Variants in PIP4K2A observed in about 807,000 individuals in gnomAD.
PIP4K2A encodes the protein phosphatidylinositol-5-phosphate 4-kinase type 2 alpha.
In PIP4K2A, 14 loss-of-function variants were observed where a neutral mutation model predicts 42.9. The observed-to-expected ratio is 0.33, with a 90% CI of 0.22 to 0.51. The LOEUF (loss-of-function observed/expected upper bound fraction) is 0.51. PIP4K2A is among the 20% of genes least tolerant of loss of function. The probability of loss-of-function intolerance (pLI) is 0.97; values close to 1 mark genes in which losing one functional copy is unlikely to be tolerated. For synonymous variants in PIP4K2A, 192 were observed against 192.2 expected (o/e 1.00, Z 0.01); for missense variants, 434 against 519.8 (o/e 0.83, Z 1.61).
At position 22,607,898 on chromosome 10, in the gene PIP4K2A, T is replaced by C. The variant is rs375019200; in HGVS notation, c.339+29A>G. 32 of 1,449,290 alleles carry C rather than the reference T, an allele frequency of 2.2e-5. No individual in the cohort carries two copies. The African/African-American group carries it at 3.6e-4, about 16-fold the overall frequency. 89.8% of individuals were successfully genotyped at this position (1,449,290 alleles called of 1,614,324 possible). On this transcript the variant is annotated intron_variant, in intron 3 of 9. Coordinates refer to ENST00000376573, the MANE Select transcript of PIP4K2A (RefSeq NM_005028.5). ...AGTCATGGCAAAACCCATTTCCTAC[T>C]GGAAGCAAATGTTACAAACGCAACT...
chr10:22,561,576 T>G (rs1588626609), intron 6 of PIP4K2A, among the ~76,000 whole-genome samples: 1 of 145,206 alleles, frequency 6.9e-6, no homozygotes, highest in East Asian at 2.0e-4. Flanking sequence ...TTTTTTTTTT[T>G]TTTTTTTTTT....
At chr10:22,557,743 T>A (rs73598564) in intron 6 of PIP4K2A, among the ~76,000 whole-genome samples, 6,905 of 152,288 alleles carry the variant, frequency 0.045, 356 homozygotes, top group African/African-American at 0.13. Flanking sequence ...TAATGATCAT[T>A]CTAAACTTTA....
At chr10:22,548,107 TC>T (rs779471486) in intron 7 of PIP4K2A, among the ~76,000 whole-genome samples, 1 of 152,222 alleles carries the variant, frequency 6.6e-6, no homozygotes, top group Non-Finnish European at 1.5e-5. Context: ...TCGATTAAAT[TC>T]TAGCCTCATT....
intron 4 of PIP4K2A, among the ~76,000 whole-genome samples, chr10:22,581,906 G>A (rs1397433276): frequency 6.6e-6 from 1 of 152,050 alleles, no homozygotes; most frequent in Non-Finnish European, 1.5e-5. Flanking sequence ...GAGTCCAGGA[G>A]TTTGAGACCA....
chr10:22,670,830 T>C lies in PIP4K2A; in HGVS notation c.144+43353A>G, dbSNP rs76198977. Among the ~76,000 whole-genome samples the C allele has an allele frequency of 5.3e-3, 812 of 152,284 alleles. 2 individuals are homozygous for C. The highest frequency in any genetic ancestry group is 9.1e-3 in the Non-Finnish European group (622 of 68,038). ...AAAATTCCTGCTATGGACAGTAACG[T>C]AATTCTAGCTTTTTTTAAAAAACGG... On this transcript the variant is annotated intron_variant, in intron 1 of 9. Transcript: ENST00000376573.
At chr10:22,578,775 T>A (rs563505573) in intron 4 of PIP4K2A, among the ~76,000 whole-genome samples, 1 of 152,318 alleles carries the variant, frequency 6.6e-6, no homozygotes, top group South Asian at 2.1e-4. Flanking sequence ...AAATGTAAGC[T>A]CCACGAAGGT....
chr10:22,569,531 G>A (rs964906500), intron 5 of PIP4K2A, among the ~76,000 whole-genome samples: 2 of 152,128 alleles, frequency 1.3e-5, no homozygotes, highest in East Asian at 1.9e-4. Flanking sequence ...TTTTCACAAC[G>A]AATGTTCCCA....
intron 1 of PIP4K2A, among the ~76,000 whole-genome samples, chr10:22,681,319 A>G (rs1839656491): frequency 6.6e-6 from 1 of 152,158 alleles, no homozygotes; most frequent in South Asian, 2.1e-4. Flanking sequence ...GGGAGGTTGG[A>G]GGGGACCTCT....
chr10:22,564,833 G>A (rs891021849), intron 6 of PIP4K2A, among the ~76,000 whole-genome samples: 1 of 152,108 alleles, frequency 6.6e-6, no homozygotes, highest in Non-Finnish European at 1.5e-5. Flanking sequence ...CGCCCTCACC[G>A]ACCAGGTCCC....
chr10:22,546,451 A>G (rs1836260406), intron 7 of PIP4K2A, among the ~76,000 whole-genome samples: 1 of 152,062 alleles, frequency 6.6e-6, no homozygotes, highest in South Asian at 2.1e-4. Context: ...TGGCTCTGTC[A>G]CCCAGGCTGG....
intron 1 of PIP4K2A, among the ~76,000 whole-genome samples, chr10:22,646,945 A>G (rs578242839): frequency 1.5e-3 from 231 of 151,802 alleles, no homozygotes; most frequent in Non-Finnish European, 2.8e-3. Context: ...AAACAAAACA[A>G]AACAAAACAA....
At chr10:22,541,619 T>C (rs573831991) in intron 8 of PIP4K2A, among the ~76,000 whole-genome samples, 185 bp downstream of exon 8, 2 of 152,286 alleles carry the variant, frequency 1.3e-5, no homozygotes, top group African/African-American at 4.8e-5. Context: ...GATCGCCTTA[T>C]GTTTCAGCAC....
intron 1 of PIP4K2A, among the ~76,000 whole-genome samples, chr10:22,665,660 C>T (rs1158571212): frequency 1.3e-5 from 2 of 150,276 alleles, no homozygotes; most frequent in African/African-American, 4.9e-5. Flanking sequence ...ACTATGTTGC[C>T]CACACTGGTC....
rs536456966 is a variant in PIP4K2A, at chr10:22,573,396, T to C, written c.554A>G (p.Asn185Ser). The change falls in exon 5 of 10, where the codon AAT becomes AGT. Residue 185 changes from asparagine (N) to serine (S), a missense_variant. Asn to Ser is a conservative substitution (Grantham distance 46, BLOSUM62 1). This residue lies in a region of PIP4K2A where 395 missense variants were observed against 444.5 expected (regional missense o/e 0.89). Coordinates refer to ENST00000376573, the MANE Select transcript of PIP4K2A (RefSeq NM_005028.5). ...LPQFLGMYRL[N>S]VDGVEIYVIV... The stretch of plus-strand genomic sequence containing the variant: ...CACATATATTTCAACTCCATCAACA[T>C]TAAGCCGGTACATGCCCAAGAACTG... The C allele has an allele frequency of 1.9e-6, 3 of 1,613,824 alleles. No individual in the cohort carries two copies. The highest frequency in any genetic ancestry group is 2.2e-5 in the South Asian group (2 of 91,080).
At chr10:22,574,444 G>T (rs12776516) in intron 4 of PIP4K2A, among the ~76,000 whole-genome samples, 3,656 of 142,138 alleles carry the variant, frequency 0.026, 119 homozygotes, top group Middle Eastern at 0.03. Context: ...TTCATTTTCT[G>T]TTTTTTTTTT....
intron 4 of PIP4K2A, among the ~76,000 whole-genome samples, chr10:22,579,915 AAAAAAAGAAAAAAG>A (rs568522429): frequency 2.1e-5 from 3 of 145,244 alleles, no homozygotes; most frequent in Non-Finnish European, 2.9e-5. Flanking sequence ...TCTGAGAAGA[AAAAAAAGAAAAAAG>A]AAAAAAGAAA....
At chr10:22,609,962 C>T (rs558607094) in intron 1 of PIP4K2A, among the ~76,000 whole-genome samples, 2 of 152,250 alleles carry the variant, frequency 1.3e-5, no homozygotes, top group Non-Finnish European at 2.9e-5. Flanking sequence ...GAGAGTCAAT[C>T]CTCATGCCAC....
chr10:22,710,144 T>C (rs1833888805), intron 1 of PIP4K2A, among the ~76,000 whole-genome samples: 2 of 151,154 alleles, frequency 1.3e-5, no homozygotes, highest in South Asian at 2.1e-4. Context: ...GAGAATATAA[T>C]CAAAGCTACT....
chr10:22,677,149 T>G (rs1839575375), intron 1 of PIP4K2A, among the ~76,000 whole-genome samples: 1 of 152,174 alleles, frequency 6.6e-6, no homozygotes. Context: ...ATGTACATGT[T>G]TGCATCACCT....
Sources: allele counts gnomAD v4.1 joint callset (sites outside exome capture counted in the v4.1 genomes callset), GRCh38; gene constraint gnomAD v4.1.1; regional missense constraint gnomAD v4.1.1; transcripts MANE v1.5; gene names NCBI Gene and HGNC (gene_info 2026-07-23, HGNC 2026-07-21).